The following DCAF8L2 variants were observed in gnomAD, a reference collection of about 807,000 sequenced individuals.
The protein encoded by DCAF8L2 is DDB1- and CUL4-associated factor 8-like protein 2.
For synonymous variants in DCAF8L2, 200 were observed against 190.9 expected (o/e 1.05, Z -0.39); for missense variants, 430 against 490.7 (o/e 0.88, Z 1.17).
At chrX:27,724,209 G>A (rs1388496903) in intron 4 of DCAF8L2, among the ~76,000 whole-genome samples, 1 of 110,234 alleles carries the variant, frequency 9.1e-6, no homozygotes, top group East Asian at 2.8e-4. Flanking sequence ...ATAATCATAG[G>A]AATATGGCCC....
chrX:27,715,305 T>C (rs1213948115), intron 3 of DCAF8L2, among the ~76,000 whole-genome samples: 2 of 101,894 alleles, frequency 2.0e-5, no homozygotes, highest in Admixed American at 2.2e-4. Flanking sequence ...AGGCGGAGCT[T>C]GCAGTGAGCC....
At chrX:27,695,439 A>G (rs890258936) in intron 3 of DCAF8L2, among the ~76,000 whole-genome samples, 1 of 112,101 alleles carries the variant, frequency 8.9e-6, no homozygotes, top group Non-Finnish European at 1.9e-5. Context: ...GGTATTTTGG[A>G]GTTATCAAAA....
At chrX:27,612,848 G>A (rs1339807016) in intron 1 of DCAF8L2, among the ~76,000 whole-genome samples, 2 of 111,781 alleles carry the variant, frequency 1.8e-5, no homozygotes, top group Non-Finnish European at 3.8e-5. Context: ...TTTGGTTACT[G>A]TAGCCTTGTG....
chrX:27,654,517 G>A (rs1929275944), intron 2 of DCAF8L2, among the ~76,000 whole-genome samples: 1 of 111,962 alleles, frequency 8.9e-6, no homozygotes, highest in Non-Finnish European at 1.9e-5. Flanking sequence ...GTTTCACACA[G>A]TCATAAATAA....
chrX:27,505,440 A>G, the DCAF8L2 span, among the ~76,000 whole-genome samples: 1 of 112,370 alleles, frequency 8.9e-6, no homozygotes, highest in African/African-American at 3.2e-5. Context: ...GTATTCTATA[A>G]GAAAAGTATA....
At chrX:27,599,915 C>T (rs748606807) in intron 1 of DCAF8L2, among the ~76,000 whole-genome samples, 1 of 111,993 alleles carries the variant, frequency 8.9e-6, no homozygotes, top group Non-Finnish European at 1.9e-5. Context: ...TAATGTCAAA[C>T]TAAAGATCCC....
chrX:27,475,951 A>G, the DCAF8L2 span, among the ~76,000 whole-genome samples: 1 of 111,314 alleles, frequency 9.0e-6, no homozygotes, highest in Non-Finnish European at 1.9e-5. Context: ...TCCCTCTCAA[A>G]TCTTATGCCT....
chrX:27,480,071 C>G, the DCAF8L2 span, among the ~76,000 whole-genome samples: 3 of 112,526 alleles, frequency 2.7e-5, no homozygotes, highest in Non-Finnish European at 5.6e-5. Context: ...AACACACCAC[C>G]ACATTAACTG....
intron 2 of DCAF8L2, among the ~76,000 whole-genome samples, chrX:27,669,659 T>G (rs1293173815): frequency 9.3e-6 from 1 of 107,277 alleles, no homozygotes; most frequent in African/African-American, 3.4e-5. Flanking sequence ...GTGTGTGATG[T>G]TCCCCTTCCT....
the DCAF8L2 span, among the ~76,000 whole-genome samples, chrX:27,576,858 T>C: frequency 1.8e-5 from 2 of 111,913 alleles, no homozygotes; most frequent in South Asian, 3.7e-4. Flanking sequence ...CTACGTAACA[T>C]TGAACTCAAA....
At chrX:27,478,604 A>C in the DCAF8L2 span, among the ~76,000 whole-genome samples, 4 of 112,251 alleles carry the variant, frequency 3.6e-5, 1 homozygote, top group African/African-American at 1.3e-4. Flanking sequence ...TAACTCATTC[A>C]AGTTTATTTT....
At chrX:27,497,124 T>C in the DCAF8L2 span, among the ~76,000 whole-genome samples, 1 of 111,102 alleles carries the variant, frequency 9.0e-6, no homozygotes, top group African/African-American at 3.3e-5. Context: ...AGGGGATATC[T>C]ATGATGATTA....
At chrX:27,594,892 A>C (rs1192977919) in intron 1 of DCAF8L2, among the ~76,000 whole-genome samples, 3 of 112,068 alleles carry the variant, frequency 2.7e-5, no homozygotes, top group African/African-American at 9.7e-5. Context: ...ATTATAATTT[A>C]CTTTTTTATA....
At chrX:27,488,310 CT>C in the DCAF8L2 span, among the ~76,000 whole-genome samples, 9 of 111,270 alleles carry the variant, frequency 8.1e-5, no homozygotes, top group Non-Finnish European at 1.3e-4. Context: ...AAAATGTCTA[CT>C]AAATTATTTT....
At chrX:27,577,914 G>A in the DCAF8L2 span, among the ~76,000 whole-genome samples, 194 of 111,577 alleles carry the variant, frequency 1.7e-3, no homozygotes, top group Middle Eastern at 4.6e-3. Context: ...TCAAGTAAAT[G>A]GAAAAACATT....
chrX:27,518,219 A>G, the DCAF8L2 span: 1 of 869,842 alleles, frequency 1.1e-6, no homozygotes, highest in Non-Finnish European at 1.7e-6. Context: ...CAAGCCAAGT[A>G]TGGAGGTTAT....
chrX:27,699,016 A>T (rs1438063952), intron 3 of DCAF8L2, among the ~76,000 whole-genome samples: 2 of 112,058 alleles, frequency 1.8e-5, no homozygotes, highest in East Asian at 5.6e-4. Context: ...TCTGGGGACT[A>T]GGCCAAAAGT....
At chrX:27,640,237 T>C (rs2147184107) in intron 2 of DCAF8L2, among the ~76,000 whole-genome samples, 1 of 111,768 alleles carries the variant, frequency 8.9e-6, no homozygotes, top group Non-Finnish European at 1.9e-5. Context: ...TTGTTGTTAT[T>C]AAAGTTTTTT....
the DCAF8L2 span, among the ~76,000 whole-genome samples, chrX:27,471,408 A>G: frequency 9.0e-6 from 1 of 111,027 alleles, no homozygotes; most frequent in Non-Finnish European, 1.9e-5. Context: ...CTTTCTATAA[A>G]TCTACACTCT....
Sources: allele counts gnomAD v4.1 joint callset (sites outside exome capture counted in the v4.1 genomes callset), GRCh38; gene constraint gnomAD v4.1.1; transcripts MANE v1.5; gene names NCBI Gene and HGNC (gene_info 2026-07-23, HGNC 2026-07-21).